SMC6: variants seen among roughly 807,000 people sequenced by gnomAD.
The protein encoded by SMC6 is structural maintenance of chromosomes protein 6.
SMC6 carries 79 observed loss-of-function variants against 142.2 expected under a neutral mutation model. The observed-to-expected ratio is 0.56, with a 90% CI of 0.46 to 0.67. SMC6 has a LOEUF of 0.67. Ranked by LOEUF, SMC6 falls within the 30% of genes least tolerant of loss-of-function variation. The pLI is 0.00. For missense variants in SMC6, 1,072 were observed against 1,284.0 expected (o/e 0.83, Z 2.52); for synonymous variants, 411 against 412.4 (o/e 1.00, Z 0.04).
intron 15 of SMC6, among the ~76,000 whole-genome samples, chr2:17,715,727 GAAAA>G (rs916943007): frequency 1.3e-5 from 2 of 151,954 alleles, no homozygotes; most frequent in Non-Finnish European, 2.9e-5. Flanking sequence ...AACTAAGAAA[GAAAA>G]GTCATTTTAA....
chr2:17,673,205 T>C (rs1412198612), intron 25 of SMC6, among the ~76,000 whole-genome samples: 1 of 152,216 alleles, frequency 6.6e-6, no homozygotes. Context: ...TTTAAAGTGG[T>C]TTCTATTTAA....
At chr2:17,722,832 G>T (rs1408661775) in intron 9 of SMC6, among the ~76,000 whole-genome samples, 1 of 151,712 alleles carries the variant, frequency 6.6e-6, no homozygotes, top group East Asian at 1.9e-4. Context: ...TTATTATTTT[G>T]GCTTATATAC....
chr2:17,731,411 C>T (rs1284513504), intron 6 of SMC6, among the ~76,000 whole-genome samples: 1 of 152,212 alleles, frequency 6.6e-6, no homozygotes, highest in Non-Finnish European at 1.5e-5. Context: ...CTCACCTCTT[C>T]TTTTATGTCA....
intron 12 of SMC6, 42 bp downstream of exon 12, chr2:17,718,035 C>T (rs1394131719): frequency 6.4e-7 from 1 of 1,564,924 alleles, no homozygotes; most frequent in Non-Finnish European, 8.6e-7. Context: ...TTTATATTTG[C>T]TGTGTGGCTT....
At position 17,718,168 on chromosome 2, in the gene SMC6, T is replaced by C. The variant is rs1339111605; in HGVS notation, c.1001A>G (p.Lys334Arg). Residue 334 changes from lysine to arginine, a missense_variant, in exon 12 of 28, where the codon AAG (lysine) becomes AGG (arginine). Lys to Arg is a conservative substitution (Grantham distance 26, BLOSUM62 2). This residue lies in a region of SMC6 where 994 missense variants were observed against 1,153.2 expected (regional missense o/e 0.86). Transcript: ENST00000448223. ...KYKDIQDKLE[K>R]ISEETNARAP... ...TCGTGCATTTGTCTCTTCACTAATC[T>C]TTTCTAGTTTGTCTTGAATATCCTT... 6.2e-7 allele frequency: 1 copy of C among 1,610,836 alleles called. No individual in the cohort carries two copies. Among genetic ancestry groups the C allele is most frequent in the Non-Finnish European group, 8.5e-7 (1 of 1,178,070 alleles).
At chr2:17,743,587 C>G (rs555166933) in intron 3 of SMC6, among the ~76,000 whole-genome samples, 68 of 152,276 alleles carry the variant, frequency 4.5e-4, no homozygotes, top group African/African-American at 1.6e-3. Flanking sequence ...CCCACACTAA[C>G]ATATCATTAT....
intron 23 of SMC6, among the ~76,000 whole-genome samples, chr2:17,694,365 C>G (rs568901258): frequency 6.6e-6 from 1 of 152,158 alleles, no homozygotes; most frequent in South Asian, 2.1e-4. Flanking sequence ...AATAAATGTT[C>G]GAGGTGATGA....
chr2:17,747,512 T>C (rs1004053967), intron 2 of SMC6, among the ~76,000 whole-genome samples: 33 of 149,672 alleles, frequency 2.2e-4, no homozygotes, highest in Non-Finnish European at 3.0e-4. Context: ...TCTTTCTTTT[T>C]TTTTTTTTTT....
chr2:17,715,243 G>A (rs1423276483), intron 15 of SMC6, among the ~76,000 whole-genome samples, 178 bp from the exon 16 acceptor site: 1 of 152,050 alleles, frequency 6.6e-6, no homozygotes, highest in African/African-American at 2.4e-5. Flanking sequence ...ATATAAAGCA[G>A]TTTAAATAAT....
intron 2 of SMC6, among the ~76,000 whole-genome samples, chr2:17,747,493 T>C (rs1245597471): frequency 7.3e-6 from 1 of 136,128 alleles, no homozygotes; most frequent in Non-Finnish European, 1.5e-5. Context: ...AAACAACTTT[T>C]TTTCTTTTTC....
chr2:17,717,145 T>A lies in SMC6; in HGVS notation c.1124A>T (p.Lys375Ile). ...VLYNRSLNEY[K>I]ALKKDDEQLC... ...CTGCTCATCATCTTTCTTTAATGCT[T>A]TATATTCGTTTAAGGATCGGTTATA... The change falls in exon 13 of 28, where the codon AAA becomes ATA. Residue 375 changes from lysine (K) to isoleucine (I), a missense_variant. Physicochemically the swap from Lys to Ile is moderately radical, Grantham distance 102 (BLOSUM62 -3). This residue lies in a region of SMC6 where 994 missense variants were observed against 1,153.2 expected (regional missense o/e 0.86). Transcript: ENST00000448223. The A allele has an allele frequency of 4.3e-6, 7 of 1,611,142 alleles. No individual in the cohort carries two copies. Among genetic ancestry groups the A allele is most frequent in the Non-Finnish European group, 5.9e-6 (7 of 1,179,292 alleles).
chr2:17,731,141 TAGTTATAAG>T lies in SMC6; in HGVS notation c.482-11_482-3del, dbSNP rs756371382. The T allele has an allele frequency of 7.5e-6, 12 of 1,608,190 alleles. No individual in the cohort carries two copies. The South Asian group carries it at 1.3e-4, about 18-fold the overall frequency. ...CTTTCCTCGTGGAAACCACGGAGCC[TAGTTATAAG>T]AAACATATGAAATAACCAAACTGTT... is the stretch of plus-strand genomic sequence containing the variant. On this transcript the variant is annotated splice_region_variant and splice_polypyrimidine_tract_variant and intron_variant, in intron 6 of 27. Coordinates refer to ENST00000448223, the MANE Select transcript of SMC6 (RefSeq NM_001142286.2).
chr2:17,717,964 T>C, intron 12 of SMC6, 113 bp downstream of exon 12: 2 of 1,106,482 alleles, frequency 1.8e-6, no homozygotes, highest in Non-Finnish European at 2.5e-6. Flanking sequence ...CCAGCCTGGG[T>C]GACAGAGCAA....
intron 2 of SMC6, among the ~76,000 whole-genome samples, chr2:17,752,664 G>A (rs1671106263): frequency 6.6e-6 from 1 of 152,112 alleles, no homozygotes; most frequent in South Asian, 2.1e-4. Flanking sequence ...TATGTTTCAC[G>A]TAGAAATCAA....
intron 23 of SMC6, among the ~76,000 whole-genome samples, chr2:17,691,882 A>G (rs1667750545): frequency 6.6e-6 from 1 of 152,234 alleles, no homozygotes; most frequent in Non-Finnish European, 1.5e-5. Context: ...ATACAAAATC[A>G]ATATGCAAAA....
rs1219715287 is a variant in SMC6, at chr2:17,744,665, G to A, written c.120+1162C>T. Among the ~76,000 whole-genome samples the A allele has an allele frequency of 2.0e-5, 3 of 152,218 alleles. No homozygotes were observed. In the East Asian group the frequency reaches 5.8e-4, roughly 29 times the overall value. ...CCTTTGTCTTCTTCCTGATCTTTGG[G>A]GAAAAGTATCCAATGTTTTACCATT... is the stretch of plus-strand genomic sequence containing the variant. On this transcript the variant is annotated intron_variant, in intron 3 of 27. Transcript: ENST00000448223.
At chr2:17,665,685 C>G (rs1666465538) in intron 27 of SMC6, 72 bp from the exon 28 acceptor site, 1 of 832,284 alleles carries the variant, frequency 1.2e-6, no homozygotes, top group Admixed American at 2.6e-5. Flanking sequence ...TCTAATATTA[C>G]CTCATGAAAA....
chr2:17,683,740 G>C lies in SMC6; in HGVS notation c.2702C>G (p.Thr901Ser). The C allele has an allele frequency of 1.2e-6, 2 of 1,610,076 alleles. No individual in the cohort carries two copies. Among genetic ancestry groups the C allele is most frequent in the South Asian group, 1.1e-5 (1 of 90,606 alleles). ...IMRQYQEARE[T>S]YLDLDSKVRT... ...CACTTTACTATCCAGATCAAGATAG[G>C]TCTCTCTTGCTTCTTGGTACTGCCT... is the stretch of plus-strand genomic sequence containing the variant. The change falls in exon 24 of 28, where the codon ACC becomes AGC. Residue 901 changes from threonine (T) to serine (S), a missense_variant. Physicochemically the swap from Thr to Ser is moderately conservative, Grantham distance 58. Around this residue, in one of 3 missense-constraint regions of SMC6, gnomAD observed 994 missense variants for 1,153.2 expected, o/e 0.86. Transcript: ENST00000448223.
intron 2 of SMC6, among the ~76,000 whole-genome samples, chr2:17,747,329 T>C (rs980452592): frequency 2.6e-5 from 4 of 152,136 alleles, no homozygotes; most frequent in African/African-American, 9.7e-5. Flanking sequence ...TTGCTGTGGC[T>C]AAGGAAATAG....
Sources: allele counts gnomAD v4.1 joint callset (sites outside exome capture counted in the v4.1 genomes callset), GRCh38; gene constraint gnomAD v4.1.1; regional missense constraint gnomAD v4.1.1; transcripts MANE v1.5; gene names NCBI Gene and HGNC (gene_info 2026-07-23, HGNC 2026-07-21).